The following CNTN5 variants were observed in gnomAD, a reference collection of about 807,000 sequenced individuals.
CNTN5 encodes the protein contactin 5.
In CNTN5, 77 loss-of-function variants were observed where a neutral mutation model predicts 129.1. The observed-to-expected ratio is 0.60, with a 90% CI of 0.50 to 0.72. The LOEUF (loss-of-function observed/expected upper bound fraction) is 0.72, where lower values mean the gene tolerates loss of function less well. Among genes scored for constraint, CNTN5 ranks in the 30% least tolerant of loss-of-function variants. CNTN5 has a pLI of 0.00. For missense variants in CNTN5, 1,478 were observed against 1,328.8 expected (o/e 1.11, Z -1.75); for synonymous variants, 509 against 465.6 (o/e 1.09, Z -1.20).
chr11:99,884,215 T>C (rs1340302144), intron 6 of CNTN5, among the ~76,000 whole-genome samples: 1 of 152,064 alleles, frequency 6.6e-6, no homozygotes, highest in Non-Finnish European at 1.5e-5. Context: ...AACATCATCA[T>C]TCATAAAGGA....
intron 2 of CNTN5, among the ~76,000 whole-genome samples, chr11:99,503,719 G>T (rs1946510778): frequency 6.6e-6 from 1 of 151,918 alleles, no homozygotes; most frequent in African/African-American, 2.4e-5. Flanking sequence ...CATATAGATG[G>T]GTAGACAGAC....
chr11:99,949,801 C>G (rs184780642), intron 7 of CNTN5, among the ~76,000 whole-genome samples: 11 of 152,262 alleles, frequency 7.2e-5, no homozygotes, highest in Admixed American at 3.3e-4. Context: ...CACTTGAACT[C>G]TAGAACTTGG....
chr11:99,654,449 A>G (rs1019891616), intron 3 of CNTN5, among the ~76,000 whole-genome samples: 9 of 152,004 alleles, frequency 5.9e-5, no homozygotes, highest in African/African-American at 2.2e-4. Flanking sequence ...TGATAATGCA[A>G]AAGAGGCAAG....
chr11:99,256,071 T>C (rs2135808045), intron 1 of CNTN5, among the ~76,000 whole-genome samples: 1 of 152,276 alleles, frequency 6.6e-6, no homozygotes, highest in East Asian at 1.9e-4. Context: ...TTACAATTTC[T>C]ATGAAGAACA....
chr11:99,893,249 A>G (rs974510791), intron 6 of CNTN5, among the ~76,000 whole-genome samples: 7 of 152,194 alleles, frequency 4.6e-5, no homozygotes, highest in Non-Finnish European at 7.4e-5. Flanking sequence ...TTCTTCCCCA[A>G]CTATGTATCA....
At chr11:100,107,345 G>A (rs1945477683) in intron 13 of CNTN5, among the ~76,000 whole-genome samples, 1 of 151,872 alleles carries the variant, frequency 6.6e-6, no homozygotes, top group Non-Finnish European at 1.5e-5. Context: ...TTCTAACTTA[G>A]CATGAGGTCA....
intron 1 of CNTN5, among the ~76,000 whole-genome samples, chr11:99,113,819 C>G (rs1008779350): frequency 7.9e-5 from 12 of 152,026 alleles, no homozygotes; most frequent in Non-Finnish European, 1.3e-4. Flanking sequence ...AAAATAAATT[C>G]CTAACTTATT....
chr11:99,083,033 AACACACACAC>A (rs5793966), intron 1 of CNTN5, among the ~76,000 whole-genome samples: 7 of 150,230 alleles, frequency 4.7e-5, no homozygotes, highest in African/African-American at 1.7e-4. Flanking sequence ...AAATGATTTA[AACACACACAC>A]ACACACACAC....
At chr11:100,280,185 TA>T (rs890594524) in intron 18 of CNTN5, among the ~76,000 whole-genome samples, 1 of 151,932 alleles carries the variant, frequency 6.6e-6, no homozygotes, top group African/African-American at 2.4e-5. Flanking sequence ...TTGAAAATAT[TA>T]GGTCGATTTG....
intron 13 of CNTN5, among the ~76,000 whole-genome samples, chr11:100,158,822 C>G (rs937182884): frequency 6.6e-6 from 1 of 151,788 alleles, no homozygotes; most frequent in Non-Finnish European, 1.5e-5. Flanking sequence ...AGCTTTTCAA[C>G]TTTTATGCAA....
At chr11:99,920,528 A>G (rs1307682529) in intron 7 of CNTN5, among the ~76,000 whole-genome samples, 3 of 152,050 alleles carry the variant, frequency 2.0e-5, no homozygotes, top group African/African-American at 7.2e-5. Flanking sequence ...TTCTTCCCCA[A>G]ACCTTCTCTA....
intron 3 of CNTN5, among the ~76,000 whole-genome samples, chr11:99,630,445 G>T (rs1343197766): frequency 6.6e-6 from 1 of 151,844 alleles, no homozygotes; most frequent in Non-Finnish European, 1.5e-5. Flanking sequence ...TTAATTTTCT[G>T]ACCATGGATT....
At chr11:99,099,842 T>C (rs1866640444) in intron 1 of CNTN5, among the ~76,000 whole-genome samples, 1 of 152,190 alleles carries the variant, frequency 6.6e-6, no homozygotes, top group Non-Finnish European at 1.5e-5. Context: ...ACATTAGCTG[T>C]TATCATTGCT....
intron 15 of CNTN5, among the ~76,000 whole-genome samples, chr11:100,198,136 C>G (rs1458452647): frequency 6.6e-6 from 1 of 151,886 alleles, no homozygotes; most frequent in Admixed American, 6.6e-5. Context: ...ATGTGTTAAG[C>G]CTTTGTCTAT....
At chr11:99,397,213 T>A (rs966873803) in intron 2 of CNTN5, among the ~76,000 whole-genome samples, 1 of 151,788 alleles carries the variant, frequency 6.6e-6, no homozygotes, top group Non-Finnish European at 1.5e-5. Flanking sequence ...TTTTCCATGG[T>A]AAGAGTAAGG....
chr11:100,309,740 G>A lies in CNTN5; in HGVS notation c.2730+1272G>A, dbSNP rs553026865. 101 of 980,198 alleles carry A rather than the reference G, an allele frequency of 1.0e-4. No homozygotes were observed. The African/African-American group carries it at 1.5e-3, about 15-fold the overall frequency. 60.7% of individuals were successfully genotyped at this position (980,198 alleles called of 1,614,324 possible). A position where few individuals can be genotyped will look rare whatever the true frequency, so the allele number is the denominator to read the frequency against. ...ACAATTAGCCCCTTTCTATCCAACC[G>A]TAGAAGACACTGTGGTGGTTTGTCC... On this transcript the variant is annotated intron_variant, in intron 21 of 24. Coordinates refer to ENST00000524871, the MANE Select transcript of CNTN5 (RefSeq NM_014361.4).
chr11:100,168,704 T>TTGGATGAAGGAGTAATTTAA (rs548110358), intron 13 of CNTN5, among the ~76,000 whole-genome samples: 353 of 152,102 alleles, frequency 2.3e-3, no homozygotes, highest in Non-Finnish European at 3.8e-3. Flanking sequence ...TCTGCAGCCC[T>TTGGATGAAGGAGTAATTTAA]TGGATGAAGG....
intron 16 of CNTN5, among the ~76,000 whole-genome samples, chr11:100,227,644 T>G (rs180901577): frequency 1.5e-3 from 223 of 152,286 alleles, no homozygotes; most frequent in African/African-American, 5.2e-3. Flanking sequence ...CACAGCACCA[T>G]GCATAATCTG....
intron 13 of CNTN5, among the ~76,000 whole-genome samples, chr11:100,075,234 G>A (rs888049998): frequency 6.6e-6 from 1 of 151,942 alleles, no homozygotes; most frequent in Non-Finnish European, 1.5e-5. Context: ...CAAATCTGAG[G>A]GACACTGATT....
Sources: gnomAD v4.1 joint callset for allele counts (sites outside exome capture counted in the v4.1 genomes callset) on GRCh38, gnomAD v4.1.1 for gene constraint, MANE v1.5 for transcripts, NCBI Gene and HGNC (gene_info 2026-07-23, HGNC 2026-07-21) for gene names.